PELI2: variants seen among roughly 807,000 people sequenced by gnomAD.
PELI2 encodes pellino E3 ubiquitin protein ligase family member 2.
Under a neutral mutation model 42.3 loss-of-function variants are expected in PELI2, and 23 were observed. That is an observed-to-expected ratio of 0.54 (90% confidence interval 0.39 to 0.77). The LOEUF is 0.77. PELI2 is among the 30% of genes least tolerant of loss of function. PELI2 has a pLI of 0.00. For synonymous variants in PELI2, 245 were observed against 212.2 expected (o/e 1.15, Z -1.34); for missense variants, 463 against 553.2 (o/e 0.84, Z 1.64).
intron 1 of PELI2, among the ~76,000 whole-genome samples, chr14:56,153,323 C>T (rs1162912076): frequency 6.6e-6 from 1 of 152,154 alleles, no homozygotes; most frequent in East Asian, 1.9e-4. Context: ...CCCGATCTAT[C>T]TCTGAGTTGC....
intron 2 of PELI2, among the ~76,000 whole-genome samples, chr14:56,254,433 GC>G (rs1888455119): frequency 6.7e-6 from 1 of 149,456 alleles, no homozygotes. Flanking sequence ...AAACTGGCTA[GC>G]CCTATGCAGA....
At chr14:56,234,687 A>G (rs1356196254) in intron 2 of PELI2, among the ~76,000 whole-genome samples, 1 of 152,178 alleles carries the variant, frequency 6.6e-6, no homozygotes, top group Admixed American at 6.5e-5. Context: ...CCAACATGGC[A>G]CATGTATACA....
At chr14:56,212,467 C>T (rs1236004729) in intron 2 of PELI2, among the ~76,000 whole-genome samples, 2 of 152,212 alleles carry the variant, frequency 1.3e-5, no homozygotes, top group African/African-American at 4.8e-5. Flanking sequence ...TTCCCTGCCT[C>T]CCTGGGATTG....
At position 56,160,479 on chromosome 14, in the gene PELI2, A is replaced by C. The variant is rs560114621; in HGVS notation, c.78-17856A>C. 4.6e-5 allele frequency among the ~76,000 whole-genome samples: 7 copies of C among 152,282 alleles called. No individual in the cohort carries two copies. In the South Asian group the frequency reaches 1.5e-3, roughly 32 times the overall value. On this transcript the variant is annotated intron_variant, in intron 1 of 5. Coordinates refer to ENST00000267460, the MANE Select transcript of PELI2 (RefSeq NM_021255.3). ...CATAAATACAGGAAGAACAGGTTAAAACTTAATGAACATGGGAGTGGTACT... is the reference window on the plus strand; with the variant it reads ...CATAAATACAGGAAGAACAGGTTAACACTTAATGAACATGGGAGTGGTACT...
chr14:56,288,834 T>G lies in PELI2; in HGVS notation c.507+200T>G, dbSNP rs1482169348. Among the ~76,000 whole-genome samples the G allele has an allele frequency of 6.6e-6, 1 of 152,206 alleles. No individual in the cohort carries two copies. The highest frequency in any genetic ancestry group is 2.4e-5 in the African/African-American group (1 of 41,448). ...TAAGCATTGCTTGTTATTCATTATA[T>G]TTTTTATATTGTAATATTTACAGTA... On this transcript the variant is annotated intron_variant, in intron 4 of 5. Coordinates refer to ENST00000267460, the MANE Select transcript of PELI2 (RefSeq NM_021255.3). This position sits in a 1 kb window ranked among gnomAD's most constrained non-coding sequence, Gnocchi z 4.6.
At chr14:56,225,019 A>G (rs1422819282) in intron 2 of PELI2, among the ~76,000 whole-genome samples, 1 of 152,176 alleles carries the variant, frequency 6.6e-6, no homozygotes, top group African/African-American at 2.4e-5. Flanking sequence ...GTGTGTGCAC[A>G]TAACTGTATG....
At chr14:56,248,819 C>T (rs775628847) in intron 2 of PELI2, among the ~76,000 whole-genome samples, 9 of 151,642 alleles carry the variant, frequency 5.9e-5, no homozygotes, top group Non-Finnish European at 1.0e-4. Context: ...TGAAAACCCT[C>T]CCCGGGGGTT....
rs957641728 is a variant in PELI2 at position 56,288,246 on chromosome 14, A to G, written c.310-191A>G. On this transcript the variant is annotated intron_variant, in intron 3 of 5. Transcript: ENST00000267460. The surrounding 1 kb of genome is among the most constrained non-coding windows in gnomAD (Gnocchi z 4.6). ...ATAAAATTAAAAATAGGTATCTCTA[A>G]TATTTGGTTACCCTAATATCTTCCC... 6.6e-6 allele frequency among the ~76,000 whole-genome samples: 1 copy of G among 152,224 alleles called. No individual in the cohort carries two copies. The highest frequency in any genetic ancestry group is 2.4e-5 in the African/African-American group (1 of 41,456).
chr14:56,219,885 G>A lies in PELI2; in HGVS notation c.207+41421G>A, dbSNP rs1247144279. ...AAGAGTCCCTTGTTATGTCTTTAAT[G>A]GATGCAGCCTCCTTAAAACAGCTCA... On this transcript the variant is annotated intron_variant, in intron 2 of 5. Transcript: ENST00000267460. The surrounding 1 kb of genome is among the most constrained non-coding windows in gnomAD (Gnocchi z 4.1). Among the ~76,000 whole-genome samples, 1 of 152,144 alleles carries A rather than the reference G, an allele frequency of 6.6e-6. No homozygotes were observed. The highest frequency in any genetic ancestry group is 1.5e-5 in the Non-Finnish European group (1 of 68,026).
intron 2 of PELI2, among the ~76,000 whole-genome samples, chr14:56,239,350 A>G (rs1887898801): frequency 6.6e-6 from 1 of 152,216 alleles, no homozygotes; most frequent in Non-Finnish European, 1.5e-5. Flanking sequence ...ATCTGCTTTT[A>G]AAAATTCCTG....
intron 1 of PELI2, among the ~76,000 whole-genome samples, chr14:56,157,093 C>T (rs116608973): frequency 2.0e-5 from 3 of 152,104 alleles, no homozygotes; most frequent in Non-Finnish European, 2.9e-5. Context: ...ATTTTCGTGG[C>T]GTACATGAAG....
intron 2 of PELI2, among the ~76,000 whole-genome samples, chr14:56,206,738 A>G (rs10132542): frequency 0.41 from 61,760 of 151,584 alleles, 13,177 homozygotes; most frequent in South Asian, 0.53. Flanking sequence ...GCTGTTGAGT[A>G]TTTTATCAAT....
intron 2 of PELI2, among the ~76,000 whole-genome samples, chr14:56,253,561 C>CT (rs1384623865): frequency 3.9e-5 from 6 of 152,148 alleles, no homozygotes; most frequent in African/African-American, 1.4e-4. Flanking sequence ...CAATAACAGA[C>CT]AAACAGAGAG....
rs184190181 is a variant in PELI2, at chr14:56,281,527, A to G, written c.309+1750A>G. ...AGGCCTAATCTGGATCACCTAATTC[A>G]GTACTTTTGATTGAGAAAGAAAGAA... On this transcript the variant is annotated intron_variant, in intron 3 of 5. Coordinates refer to ENST00000267460, the MANE Select transcript of PELI2 (RefSeq NM_021255.3). Among the ~76,000 whole-genome samples the G allele has an allele frequency of 1.8e-3, 272 of 152,248 alleles. 3 individuals are homozygous for G. The highest frequency in any genetic ancestry group is 6.2e-3 in the African/African-American group (258 of 41,580).
intron 5 of PELI2, among the ~76,000 whole-genome samples, chr14:56,295,089 AT>A (rs143149663): frequency 0.14 from 20,581 of 151,832 alleles, 1,802 homozygotes; most frequent in Middle Eastern, 0.22. Flanking sequence ...ATCGAGTCTA[AT>A]TTCTTTCTCT....
chr14:56,124,142 GAAAAT>G (rs924383495), intron 1 of PELI2, among the ~76,000 whole-genome samples: 6 of 152,148 alleles, frequency 3.9e-5, no homozygotes, highest in East Asian at 1.9e-4. Flanking sequence ...TCATCTTCTG[GAAAAT>G]AAAATAATAA....
At position 56,301,109 on chromosome 14, in the gene PELI2, A is replaced by G. The variant is rs575252390; in HGVS notation, c.*3943A>G. 2.6e-5 allele frequency: 4 copies of G among 152,764 alleles called. No individual in the cohort carries two copies. The highest frequency in any genetic ancestry group is 7.2e-5 in the African/African-American group (3 of 41,576). 9.5% of individuals were successfully genotyped at this position (152,764 alleles called of 1,614,324 possible). A position where few individuals can be genotyped will look rare whatever the true frequency, so the allele number is the denominator to read the frequency against. On this transcript the variant is annotated 3_prime_UTR_variant, in exon 6 of 6. Transcript: ENST00000267460. ...ATTGCTTCTCTGTATTAAATAGTCT[A>G]GAAGTTAAGGGGATGGTCACATTTA...
chr14:56,219,547 A>G lies in PELI2; in HGVS notation c.207+41083A>G, dbSNP rs1002413252. 6.6e-6 allele frequency among the ~76,000 whole-genome samples: 1 copy of G among 152,170 alleles called. No homozygotes were observed. Among genetic ancestry groups the G allele is most frequent in the Non-Finnish European group, 1.5e-5 (1 of 68,026 alleles). Reference sequence around the variant, plus strand: ...CCTCTCCCTCAATCTTACAAACAGTAGGCATCCACAAGGAAGTCAAAGAAA... The same window carrying G: ...CCTCTCCCTCAATCTTACAAACAGTGGGCATCCACAAGGAAGTCAAAGAAA... On this transcript the variant is annotated intron_variant, in intron 2 of 5. Coordinates refer to ENST00000267460, the MANE Select transcript of PELI2 (RefSeq NM_021255.3). This position sits in a 1 kb window ranked among gnomAD's most constrained non-coding sequence, Gnocchi z 4.1.
intron 1 of PELI2, among the ~76,000 whole-genome samples, chr14:56,145,309 C>T (rs918417674): frequency 6.6e-6 from 1 of 152,180 alleles, no homozygotes; most frequent in Non-Finnish European, 1.5e-5. Context: ...TTAGAAACCA[C>T]CCCCATGATC....
Sources: gnomAD v4.1 joint callset for allele counts (sites outside exome capture counted in the v4.1 genomes callset) on GRCh38, gnomAD v4.1.1 for gene constraint, Gnocchi (gnomAD v3.1) non-coding constraint, MANE v1.5 for transcripts, NCBI Gene and HGNC (gene_info 2026-07-23, HGNC 2026-07-21) for gene names.